The following MYOM2 variants were observed in gnomAD, a reference collection of about 807,000 sequenced individuals.
MYOM2 encodes myomesin-2.
In MYOM2, 254 loss-of-function variants were observed where a neutral mutation model predicts 187.6. The observed-to-expected ratio is 1.35, with a 90% CI of 1.22 to 1.50. The LOEUF is 1.50. Among genes scored for constraint, MYOM2 ranks in the 40% most tolerant of loss-of-function variants. The pLI, the probability that MYOM2 is intolerant of heterozygous loss-of-function variation, is 0.00. For missense variants in MYOM2, 2,796 were observed against 1,924.0 expected (o/e 1.45, Z -8.48); for synonymous variants, 981 against 753.8 (o/e 1.30, Z -4.94).
chr8:2,050,283 C>T (rs1261157348), intron 1 of MYOM2, among the ~76,000 whole-genome samples: 1 of 152,218 alleles, frequency 6.6e-6, no homozygotes, highest in Non-Finnish European at 1.5e-5. Flanking sequence ...CAAATGTCAC[C>T]TGCCTCGTGG....
chr8:2,120,191 T>A (rs1376871717), intron 28 of MYOM2, among the ~76,000 whole-genome samples: 2 of 152,038 alleles, frequency 1.3e-5, no homozygotes, highest in Non-Finnish European at 2.9e-5. Flanking sequence ...GACAGACTCA[T>A]GATTGGGGTC....
chr8:2,090,200 T>A lies in MYOM2; in HGVS notation c.1828+9T>A. The A allele has an allele frequency of 6.2e-7, 1 of 1,609,236 alleles. No individual in the cohort carries two copies. The highest frequency in any genetic ancestry group is 8.5e-7 in the Non-Finnish European group (1 of 1,176,320). On this transcript the variant is annotated intron_variant, in intron 15 of 36. Coordinates refer to ENST00000262113, the MANE Select transcript of MYOM2 (RefSeq NM_003970.4). Reference sequence around the variant, plus strand: ...GGCCCAGGATGTGACCGGTGAGCTGTCACACTGGGTGGCCCCAAGTCAGGA... The same window carrying A: ...GGCCCAGGATGTGACCGGTGAGCTGACACACTGGGTGGCCCCAAGTCAGGA...
chr8:2,101,677 T>C (rs1008395140), intron 20 of MYOM2, among the ~76,000 whole-genome samples: 13 of 152,356 alleles, frequency 8.5e-5, no homozygotes, highest in Admixed American at 7.2e-4. Context: ...TAGCTGTTAA[T>C]TGTCTGTTCA....
In MYOM2 at chr8:2,055,107, T is replaced by G. The variant is rs60364626; in HGVS notation, c.264-2241T>G. Among the ~76,000 whole-genome samples, 79 of 18,230 alleles carry G rather than the reference T, an allele frequency of 4.3e-3. 1 individual carries two copies. Among genetic ancestry groups the G allele is most frequent in the South Asian group, 0.025 (5 of 198 alleles). 12.0% of individuals were successfully genotyped at this position (18,230 alleles called of 152,430 possible). On this transcript the variant is annotated intron_variant, in intron 3 of 36. Coordinates refer to ENST00000262113, the MANE Select transcript of MYOM2 (RefSeq NM_003970.4). ...GGAACGAAGTACCTGGATACTGGGG[T>G]AACCAAGTACCTGGATACTGGGGTA...
At chr8:2,122,447 G>A (rs899137473) in intron 28 of MYOM2, among the ~76,000 whole-genome samples, 3 of 152,222 alleles carry the variant, frequency 2.0e-5, no homozygotes, top group Non-Finnish European at 4.4e-5. Flanking sequence ...GTGCTGTCGA[G>A]AACGATGCCA....
intron 3 of MYOM2, among the ~76,000 whole-genome samples, chr8:2,053,826 G>A (rs935453263): frequency 6.6e-6 from 1 of 152,204 alleles, no homozygotes; most frequent in Non-Finnish European, 1.5e-5. Context: ...CTCTCCATGA[G>A]ATTTTCTTCA....
At chr8:2,094,147 C>T (rs371462295) in intron 17 of MYOM2, 56 bp downstream of exon 17, 3 of 1,586,284 alleles carry the variant, frequency 1.9e-6, no homozygotes, top group Non-Finnish European at 1.7e-6. Flanking sequence ...GTCATTTCTG[C>T]ATGAATAAAC....
intron 17 of MYOM2, among the ~76,000 whole-genome samples, chr8:2,095,590 C>G (rs543507626): frequency 1.8e-4 from 28 of 152,286 alleles, no homozygotes; most frequent in Admixed American, 1.8e-3. Context: ...CCGCACCTGG[C>G]CTGTTTTTAT....
rs1796801128 is a variant in MYOM2, at chr8:2,103,789, T to A, written c.2734+1008T>A. On this transcript the variant is annotated intron_variant, in intron 21 of 36. Transcript: ENST00000262113. ...CATGCATGTGTTATGTGTTTATGTG[T>A]ATGTATGTATAGGTATATGGATAAA... Among the ~76,000 whole-genome samples the A allele has an allele frequency of 2.6e-5, 4 of 151,798 alleles. No individual in the cohort carries two copies. The South Asian group carries it at 8.3e-4, about 32-fold the overall frequency.
At chr8:2,075,090 T>A (rs1819372183) in intron 10 of MYOM2, among the ~76,000 whole-genome samples, 1 of 152,224 alleles carries the variant, frequency 6.6e-6, no homozygotes, top group African/African-American at 2.4e-5. Flanking sequence ...AAGGAAGGAC[T>A]GTATCATTAA....
At chr8:2,099,986 T>A (rs1796625881) in intron 19 of MYOM2, among the ~76,000 whole-genome samples, 1 of 138,214 alleles carries the variant, frequency 7.2e-6, no homozygotes, top group Admixed American at 7.1e-5. Context: ...GAAAATTCCT[T>A]CCTTCCTTCT....
chr8:2,057,702 G>A lies in MYOM2; in HGVS notation c.482G>A (p.Arg161Gln), dbSNP rs747484319. 2.1e-5 allele frequency: 34 copies of A among 1,613,998 alleles called. No individual in the cohort carries two copies. The highest frequency in any genetic ancestry group is 6.6e-5 in the South Asian group (6 of 91,076). The change falls in exon 5 of 37, where the codon CGA (arginine) becomes CAA (glutamine). Residue 161 changes from arginine to glutamine, a missense_variant. Physicochemically the swap from Arg to Gln is conservative, Grantham distance 43. Transcript: ENST00000262113. ...SRAPEILVRLRSHTVWERMSV... is the reference protein window; with the variant it reads ...SRAPEILVRLQSHTVWERMSV... ...GCTCCTGAGATCCTGGTGCGGCTGC[G>A]ATCCCACACCGTCTGGGAGAGGATG...
chr8:2,113,507 C>A (rs1416326061), intron 25 of MYOM2, among the ~76,000 whole-genome samples: 1 of 152,072 alleles, frequency 6.6e-6, no homozygotes, highest in Non-Finnish European at 1.5e-5. Context: ...TGCACCAAGG[C>A]AGGGAGGTCA....
At chr8:2,115,871 T>C in intron 25 of MYOM2, 89 bp from the exon 26 acceptor site, 1 of 1,418,926 alleles carries the variant, frequency 7.0e-7, no homozygotes, top group Non-Finnish European at 9.6e-7. Context: ...CCTTGAGATC[T>C]CATGGCTGAT....
chr8:2,109,322 C>A, intron 24 of MYOM2, 73 bp from the exon 25 acceptor site: 2 of 1,448,798 alleles, frequency 1.4e-6, no homozygotes, highest in Non-Finnish European at 1.9e-6. Flanking sequence ...TTGATATTTC[C>A]CTACAATTTG....
chr8:2,049,350 T>C (rs1188932546), intron 1 of MYOM2, among the ~76,000 whole-genome samples: 2 of 152,330 alleles, frequency 1.3e-5, no homozygotes, highest in African/African-American at 4.8e-5. Context: ...CCTGTTTTCT[T>C]CCCTGTAGAA....
chr8:2,086,339 T>G (rs1274459021), intron 14 of MYOM2, among the ~76,000 whole-genome samples: 573 of 56,442 alleles, frequency 0.01, 46 homozygotes, highest in Non-Finnish European at 0.017. Flanking sequence ...GGCCCCCCAC[T>G]GTTGTGATCT....
At chr8:2,065,440 C>CGT (rs1563424052) in intron 6 of MYOM2, among the ~76,000 whole-genome samples, 1 of 151,978 alleles carries the variant, frequency 6.6e-6, no homozygotes, top group African/African-American at 2.4e-5. Flanking sequence ...TGTGGTGGTG[C>CGT]GCACCTGTAA....
At chr8:2,088,085 CA>C (rs1201453226) in intron 14 of MYOM2, among the ~76,000 whole-genome samples, 4 of 151,628 alleles carry the variant, frequency 2.6e-5, no homozygotes, top group African/African-American at 9.7e-5. Context: ...TTATTGGGTA[CA>C]GGGGGTATTT....
Sources: gnomAD v4.1 joint callset for allele counts (sites outside exome capture counted in the v4.1 genomes callset) on GRCh38, gnomAD v4.1.1 for gene constraint, MANE v1.5 for transcripts, NCBI Gene and HGNC (gene_info 2026-07-23, HGNC 2026-07-21) for gene names.